JAKMIP2: variants seen among roughly 807,000 people sequenced by gnomAD.
JAKMIP2 encodes the protein janus kinase and microtubule-interacting protein 2.
Under a neutral mutation model 115.0 loss-of-function variants are expected in JAKMIP2, and 25 were observed. The ratio of observed to expected loss-of-function variants is 0.22; its 90% confidence interval spans 0.16 to 0.30. The LOEUF (loss-of-function observed/expected upper bound fraction) is 0.30, where lower values mean the gene tolerates loss of function less well. Ranked by LOEUF, JAKMIP2 falls within the 10% of genes least tolerant of loss-of-function variation. The pLI, the probability that JAKMIP2 is intolerant of heterozygous loss-of-function variation, is 1.00. For synonymous variants in JAKMIP2, 334 were observed against 343.6 expected, an observed-to-expected ratio of 0.97 and a Z score of 0.31; for missense variants, 642 against 957.6, an observed-to-expected ratio of 0.67 and a Z score of 4.35.
intron 1 of JAKMIP2, among the ~76,000 whole-genome samples, chr5:147,702,962 T>G (rs17107218): frequency 0.22 from 34,059 of 152,030 alleles, 4,852 homozygotes; most frequent in African/African-American, 0.4. Context: ...AAAAATCCTA[T>G]AATTTCAAAG....
intron 1 of JAKMIP2, among the ~76,000 whole-genome samples, chr5:147,711,075 G>T (rs1000380118): frequency 1.3e-5 from 2 of 152,164 alleles, no homozygotes; most frequent in African/African-American, 4.8e-5. Context: ...GACATGAATA[G>T]ATCTACTTTA....
In JAKMIP2 at chr5:147,623,559, T is replaced by G. The variant is rs989047905; in HGVS notation, c.2064+62A>C. On this transcript the variant is annotated intron_variant, in intron 17 of 21. Transcript: ENST00000616793. The stretch of plus-strand genomic sequence containing the variant: ...CCAGATAAAACTGGTAGAGGCAACT[T>G]TAATTTTCCATTTGCCTTGTAAGTT... 1.1e-5 allele frequency: 12 copies of G among 1,116,460 alleles called. No homozygotes were observed. The Admixed American group carries it at 1.4e-4, about 13-fold the overall frequency. 69.2% of individuals were successfully genotyped at this position (1,116,460 alleles called of 1,614,324 possible).
intron 1 of JAKMIP2, among the ~76,000 whole-genome samples, chr5:147,672,237 C>A (rs767394616): frequency 1.3e-5 from 2 of 152,176 alleles, no homozygotes; most frequent in Non-Finnish European, 2.9e-5. Flanking sequence ...ACTGCTCGCT[C>A]TTCTATCCTC....
intron 11 of JAKMIP2, 86 bp downstream of exon 11, chr5:147,636,879 T>C (rs1757638529): frequency 1.2e-6 from 1 of 836,424 alleles, no homozygotes; most frequent in Non-Finnish European, 2.1e-6. Context: ...AGCTGTGTCC[T>C]GGGTGCGGCC....
chr5:147,691,966 A>G (rs572674653), intron 1 of JAKMIP2, among the ~76,000 whole-genome samples: 1 of 151,796 alleles, frequency 6.6e-6, no homozygotes, highest in Non-Finnish European at 1.5e-5. Context: ...CCCTTTGCAA[A>G]GTCCTGTCTT....
chr5:147,696,645 T>C (rs1752118886), intron 1 of JAKMIP2, among the ~76,000 whole-genome samples: 1 of 152,170 alleles, frequency 6.6e-6, no homozygotes, highest in African/African-American at 2.4e-5. Context: ...ACTTTGGAAC[T>C]GTGTAACAGA....
At chr5:147,613,495 A>T (rs947191552) in intron 19 of JAKMIP2, among the ~76,000 whole-genome samples, 3 of 152,190 alleles carry the variant, frequency 2.0e-5, no homozygotes, top group Non-Finnish European at 4.4e-5. Context: ...AGCCAGGGAC[A>T]TTTGGCAGTT....
At chr5:147,769,701 T>C (rs530873301) in intron 1 of JAKMIP2, among the ~76,000 whole-genome samples, 42 of 151,114 alleles carry the variant, frequency 2.8e-4, no homozygotes, top group African/African-American at 9.8e-4. Context: ...TTTTTTTTTT[T>C]CAAAATATTA....
At position 147,661,109 on chromosome 5, in the gene JAKMIP2, T is replaced by C; in HGVS notation, c.466A>G (p.Ile156Val). The change falls in exon 3 of 22, where the codon ATT becomes GTT. Residue 156 changes from isoleucine to valine, a missense_variant. Ile to Val is a conservative substitution (Grantham distance 29, BLOSUM62 3). Coordinates refer to ENST00000616793, the MANE Select transcript of JAKMIP2 (RefSeq NM_001270941.2). ...DTERLKLLQEIADLKTAKKQV... is the reference protein window; with the variant it reads ...DTERLKLLQEVADLKTAKKQV... ...TTCTTGGCCGTTTTCAGGTCCGCAA[T>C]TTCCTGTAAGAGCTTAAGGCGCTCT... 6.2e-7 allele frequency: 1 copy of C among 1,614,046 alleles called. No individual in the cohort carries two copies. The highest frequency in any genetic ancestry group is 8.5e-7 in the Non-Finnish European group (1 of 1,180,008).
At chr5:147,740,876 C>A (rs889693248) in intron 1 of JAKMIP2, among the ~76,000 whole-genome samples, 1 of 152,144 alleles carries the variant, frequency 6.6e-6, no homozygotes, top group Non-Finnish European at 1.5e-5. Flanking sequence ...AATATTGTCT[C>A]CAAAATGAGC....
At chr5:147,632,252 A>C (rs7706268) in intron 13 of JAKMIP2, among the ~76,000 whole-genome samples, 9,634 of 152,230 alleles carry the variant, frequency 0.063, 854 homozygotes, top group African/African-American at 0.2. Context: ...CATTTACCTA[A>C]AAAATATTTT....
At chr5:147,676,651 C>T (rs2126820272) in intron 1 of JAKMIP2, among the ~76,000 whole-genome samples, 2 of 152,340 alleles carry the variant, frequency 1.3e-5, no homozygotes, top group South Asian at 4.1e-4. Context: ...CTTCCACTAT[C>T]CCTAATCAGG....
chr5:147,631,815 C>A (rs765131871), intron 13 of JAKMIP2, among the ~76,000 whole-genome samples: 3 of 152,124 alleles, frequency 2.0e-5, no homozygotes, highest in African/African-American at 7.2e-5. Context: ...AATATCTCAG[C>A]GTGGTCTTGC....
intron 1 of JAKMIP2, among the ~76,000 whole-genome samples, chr5:147,763,289 T>C (rs1754997176): frequency 6.6e-6 from 1 of 152,138 alleles, no homozygotes; most frequent in African/African-American, 2.4e-5. Context: ...GTTCTTCACA[T>C]GGCATTAATG....
intron 1 of JAKMIP2, among the ~76,000 whole-genome samples, chr5:147,690,739 G>A (rs776031695): frequency 3.5e-4 from 53 of 152,068 alleles, no homozygotes; most frequent in Non-Finnish European, 5.4e-4. Flanking sequence ...TCTGGGGAAT[G>A]TGTCTCAGGT....
chr5:147,728,111 G>A (rs893928076), intron 1 of JAKMIP2, among the ~76,000 whole-genome samples: 16 of 152,084 alleles, frequency 1.1e-4, no homozygotes, highest in African/African-American at 2.2e-4. Flanking sequence ...AAATTACTTC[G>A]CAGTATGTGA....
At chr5:147,619,616 A>C (rs533003340) in intron 18 of JAKMIP2, among the ~76,000 whole-genome samples, 5 of 152,334 alleles carry the variant, frequency 3.3e-5, no homozygotes, top group African/African-American at 9.6e-5. Context: ...AGGGTGGAGC[A>C]TAAGGAGAGA....
chr5:147,633,891 C>T (rs1324675284), intron 12 of JAKMIP2, among the ~76,000 whole-genome samples: 9 of 151,850 alleles, frequency 5.9e-5, no homozygotes, highest in Non-Finnish European at 8.8e-5. Context: ...GGTTTCACCA[C>T]GTTGGCCAGG....
chr5:147,657,338 C>G (rs1472247599), intron 3 of JAKMIP2, among the ~76,000 whole-genome samples: 1 of 152,228 alleles, frequency 6.6e-6, no homozygotes, highest in Admixed American at 6.5e-5. Context: ...CCCCTACTCT[C>G]TTCTGGCTTG....
Sources: gnomAD v4.1 joint callset for allele counts (sites outside exome capture counted in the v4.1 genomes callset) on GRCh38, gnomAD v4.1.1 for gene constraint, MANE v1.5 for transcripts, NCBI Gene and HGNC (gene_info 2026-07-23, HGNC 2026-07-21) for gene names.